The following REPS1 variants were observed in gnomAD, a reference collection of about 807,000 sequenced individuals.
REPS1 encodes ralBP1-associated Eps domain-containing protein 1.
A neutral mutation model predicts 100.9 loss-of-function variants in REPS1; 39 were observed. That is an observed-to-expected ratio of 0.39 (90% CI 0.30 to 0.50). The LOEUF (loss-of-function observed/expected upper bound fraction) is 0.50. Among genes scored for constraint, REPS1 ranks in the 20% least tolerant of loss-of-function variants. The pLI is 0.86. For missense variants in REPS1, 821 were observed against 968.5 expected (o/e 0.85, Z 2.02); for synonymous variants, 324 against 340.3 (o/e 0.95, Z 0.53).
intron 7 of REPS1, among the ~76,000 whole-genome samples, chr6:138,942,843 C>T (rs1457743706): frequency 6.6e-6 from 1 of 152,176 alleles, no homozygotes; most frequent in African/African-American, 2.4e-5. Flanking sequence ...CAACCTCCAC[C>T]TCCCAGGTTC....
At position 138,987,892 on chromosome 6, in the gene REPS1, C is replaced by A; in HGVS notation, c.-210G>T. On this transcript the variant is annotated 5_prime_UTR_variant, in exon 1 of 20. The change creates a new upstream start codon in the 5' untranslated region. Transcript: ENST00000450536. The stretch of plus-strand genomic sequence containing the variant: ...CCGGCTGCGCTCGCCGCGCCGCTGC[C>A]TGCGAGGCCCGGCGCGCGGCTGCGG... The A allele has an allele frequency of 4.6e-6, 2 of 437,312 alleles. No homozygotes were observed. Among genetic ancestry groups the A allele is most frequent in the Non-Finnish European group, 7.4e-6 (2 of 269,450 alleles). 27.1% of individuals were successfully genotyped at this position (437,312 alleles called of 1,614,324 possible).
intron 1 of REPS1, among the ~76,000 whole-genome samples, chr6:138,957,583 T>C (rs1248669259): frequency 6.6e-6 from 1 of 152,058 alleles, no homozygotes; most frequent in East Asian, 1.9e-4. Context: ...AGTAGATACA[T>C]GCCAAGAAAA....
chr6:138,925,206 C>T (rs184325219), intron 10 of REPS1, among the ~76,000 whole-genome samples: 2,666 of 151,484 alleles, frequency 0.018, 81 homozygotes, highest in African/African-American at 0.061. Flanking sequence ...CACACACACA[C>T]ACACACACAA....
chr6:138,917,697 A>T, intron 12 of REPS1, 70 bp from the exon 13 acceptor site: 1 of 1,239,372 alleles, frequency 8.1e-7, no homozygotes, highest in Non-Finnish European at 1.2e-6. Flanking sequence ...ACTCCAAACA[A>T]ATATAAGTGA....
chr6:138,971,490 C>T (rs1206637896), intron 1 of REPS1, among the ~76,000 whole-genome samples: 1 of 151,970 alleles, frequency 6.6e-6, no homozygotes, highest in African/African-American at 2.4e-5. Context: ...AAAGTATACG[C>T]TATAGTGCCA....
chr6:138,972,565 A>G (rs1266608179), intron 1 of REPS1, among the ~76,000 whole-genome samples: 2 of 152,168 alleles, frequency 1.3e-5, no homozygotes, highest in African/African-American at 4.8e-5. Context: ...TTTCTTATTT[A>G]GACTACATGC....
rs561337038 is a variant in REPS1 at position 138,951,360 on chromosome 6, AATAAGT to A, written c.154-3453_154-3448del. Among the ~76,000 whole-genome samples the A allele has an allele frequency of 5.0e-3, 759 of 152,262 alleles. 2 individuals are homozygous for A. The highest frequency in any genetic ancestry group is 9.1e-3 in the Non-Finnish European group (622 of 68,020). ...TCATAATTTTTCTCTTTGGTCCATT[AATAAGT>A]ATATCAATAAGATATAAGAGATTAA... On this transcript the variant is annotated intron_variant, in intron 1 of 19. Transcript: ENST00000450536.
At chr6:138,948,069 CAT>C (rs755676159) in intron 1 of REPS1, among the ~76,000 whole-genome samples, 156 bp from the exon 2 acceptor site, 1 of 152,204 alleles carries the variant, frequency 6.6e-6, no homozygotes, top group Non-Finnish European at 1.5e-5. Context: ...GTTTCAGGTT[CAT>C]ATGTTTACAA....
intron 8 of REPS1, among the ~76,000 whole-genome samples, chr6:138,938,395 G>A (rs952565563): frequency 1.3e-5 from 2 of 152,278 alleles, no homozygotes; most frequent in Non-Finnish European, 2.9e-5. Flanking sequence ...TTTAAGTATA[G>A]AATATTTGTG....
At chr6:138,941,298 A>G (rs1218487057) in intron 8 of REPS1, 37 bp downstream of exon 8, 1 of 1,603,354 alleles carries the variant, frequency 6.2e-7, no homozygotes, top group Non-Finnish European at 8.5e-7. Flanking sequence ...ATGTTTATCA[A>G]GGCATGCAAA....
intron 8 of REPS1, among the ~76,000 whole-genome samples, chr6:138,937,533 G>A (rs930181289): frequency 2.6e-5 from 4 of 152,128 alleles, no homozygotes; most frequent in East Asian, 3.9e-4. Context: ...AAAAAAATTC[G>A]TGTTGGAAGT....
chr6:138,917,506 A>G, intron 13 of REPS1, 49 bp downstream of exon 13: 2 of 1,401,016 alleles, frequency 1.4e-6, no homozygotes, highest in Non-Finnish European at 2.0e-6. Flanking sequence ...TTAAACATTA[A>G]AACGCAGCAA....
Position 138,921,108 on chromosome 6 carries a change from T to C in REPS1, c.1355A>G (p.His452Arg). ...TGGAGTCATACGAATGGGAACTGGA[T>C]GAACAATAGCAGTATCCTAGAGACA... Reference protein sequence around the residue: ...APADPDTAIVHPVPIRMTPSK... With the variant: ...APADPDTAIVRPVPIRMTPSK... Residue 452 changes from histidine (H) to arginine (R), a missense_variant, in exon 11 of 20, where the codon CAT (histidine) becomes CGT (arginine). By Grantham distance (29) the His-to-Arg change is conservative (BLOSUM62 0). This residue lies in a region of REPS1 where 757 missense variants were observed against 866.4 expected (regional missense o/e 0.87). Transcript: ENST00000450536. 1 of 1,608,400 alleles carries C rather than the reference T, an allele frequency of 6.2e-7. No homozygotes were observed. The highest frequency in any genetic ancestry group is 8.5e-7 in the Non-Finnish European group (1 of 1,175,444).
intron 1 of REPS1, among the ~76,000 whole-genome samples, chr6:138,977,882 GTTTC>G (rs1784686280): frequency 6.6e-6 from 1 of 152,198 alleles, no homozygotes; most frequent in African/African-American, 2.4e-5. Flanking sequence ...AAGGGTTCCA[GTTTC>G]TCAACAATAC....
chr6:138,942,765 GT>G (rs959601592), intron 7 of REPS1, among the ~76,000 whole-genome samples: 5 of 151,708 alleles, frequency 3.3e-5, no homozygotes, highest in African/African-American at 1.2e-4. Context: ...TGCTTGTTTT[GT>G]TTTTTTGAGA....
chr6:138,913,427 C>T (rs1479728544), intron 15 of REPS1, among the ~76,000 whole-genome samples: 1 of 152,138 alleles, frequency 6.6e-6, no homozygotes, highest in African/African-American at 2.4e-5. Context: ...ATTCATCTTC[C>T]ACTCCTTTGC....
chr6:138,916,688 TA>T (rs1171805572), intron 13 of REPS1, among the ~76,000 whole-genome samples: 15 of 152,194 alleles, frequency 9.9e-5, no homozygotes, highest in African/African-American at 3.6e-4. Context: ...TGGATTTTGG[TA>T]AGCTGAAGTA....
chr6:138,971,034 T>G (rs1784314690), intron 1 of REPS1, among the ~76,000 whole-genome samples: 1 of 152,222 alleles, frequency 6.6e-6, no homozygotes, highest in South Asian at 2.1e-4. Context: ...TGCCATTTGT[T>G]AAGTGCTAGT....
At chr6:138,979,660 A>AT (rs1784821510) in intron 1 of REPS1, among the ~76,000 whole-genome samples, 1 of 152,118 alleles carries the variant, frequency 6.6e-6, no homozygotes, top group Non-Finnish European at 1.5e-5. Context: ...AAATACTTGC[A>AT]TTATTTGGCA....
Sources: gnomAD v4.1 joint callset for allele counts (sites outside exome capture counted in the v4.1 genomes callset) on GRCh38, gnomAD v4.1.1 for gene constraint, gnomAD v4.1.1 regional missense constraint, MANE v1.5 for transcripts, NCBI Gene and HGNC (gene_info 2026-07-23, HGNC 2026-07-21) for gene names.